The following ARID1B variants were observed in gnomAD, a reference collection of about 807,000 sequenced individuals.
ARID1B encodes the protein AT-rich interactive domain-containing protein 1B.
In ARID1B, 30 loss-of-function variants were observed where a neutral mutation model predicts 212.3. That is an observed-to-expected ratio of 0.14 (90% CI 0.11 to 0.19). ARID1B has a LOEUF of 0.19. Ranked by LOEUF, ARID1B falls within the 10% of genes least tolerant of loss-of-function variation. The pLI is 1.00. For synonymous variants in ARID1B, 1,402 were observed against 1,301.7 expected, an observed-to-expected ratio of 1.08 and a Z score of -1.66; for missense variants, 2,891 against 3,204.0, an observed-to-expected ratio of 0.90 and a Z score of 2.36.
At position 156,778,346 on chromosome 6, in the gene ARID1B, C is replaced by T. The variant is rs1229372337; in HGVS notation, c.666C>T (p.Ser222=). The T allele has an allele frequency of 1.4e-5, 22 of 1,541,362 alleles. No homozygotes were observed. Among genetic ancestry groups the T allele is most frequent in the Non-Finnish European group, 1.8e-5 (21 of 1,146,052 alleles). The change falls in exon 1 of 20, where the codon AGC becomes AGT. Residue 222 remains serine (S), a synonymous_variant. Coordinates refer to ENST00000636930, the MANE Select transcript of ARID1B (RefSeq NM_001374828.1). ...QQQHPISNNN[S]LGGAGGGAPQ... is the part of the protein sequence containing the mutation. The stretch of plus-strand genomic sequence containing the variant: ...AACATCCCATTTCCAACAACAACAG[C>T]TTGGGCGGCGCGGGCGGCGGCGCGC...
Position 157,030,839 on chromosome 6 carries a change from A to G in ARID1B, c.2248-53823A>G, listed in dbSNP as rs569123322. On this transcript the variant is annotated intron_variant, in intron 4 of 19. Coordinates refer to ENST00000636930, the MANE Select transcript of ARID1B (RefSeq NM_001374828.1). ...TTACCAATATTTATTGGGTCCCTGT[A>G]TAGAGACAAGGTTTTAGTTCATTTC... Among the ~76,000 whole-genome samples the G allele has an allele frequency of 1.1e-3, 175 of 152,298 alleles. 3 individuals are homozygous for G. The highest frequency in any genetic ancestry group is 4.1e-3 in the African/African-American group (169 of 41,560).
chr6:157,115,648 C>T (rs1453199351), intron 6 of ARID1B, among the ~76,000 whole-genome samples: 1 of 152,118 alleles, frequency 6.6e-6, no homozygotes, highest in African/African-American at 2.4e-5. Context: ...AGGATGGTCT[C>T]GATCTCCTGA....
At chr6:156,959,602 G>T (rs1794220456) in intron 4 of ARID1B, among the ~76,000 whole-genome samples, 1 of 152,182 alleles carries the variant, frequency 6.6e-6, no homozygotes, top group South Asian at 2.1e-4. Flanking sequence ...CAGGAGGGTT[G>T]TAGTGTTCTA....
chr6:157,004,084 T>C (rs1471737233), intron 4 of ARID1B, among the ~76,000 whole-genome samples: 1 of 152,080 alleles, frequency 6.6e-6, no homozygotes, highest in Non-Finnish European at 1.5e-5. Flanking sequence ...CAAATTTTTT[T>C]TGTAGAGATG....
In ARID1B at chr6:156,932,144, A is replaced by AG. The variant is rs1562492914; in HGVS notation, c.2137-3322_2137-3321insG. Among the ~76,000 whole-genome samples the AG allele has an allele frequency of 3.0e-3, 284 of 95,194 alleles. 2 individuals carry two copies. Among genetic ancestry groups the AG allele is most frequent in the African/African-American group, 0.015 (243 of 16,288 alleles). 62.5% of individuals were successfully genotyped at this position (95,194 alleles called of 152,430 possible). A position where few individuals can be genotyped will look rare whatever the true frequency, so the allele number is the denominator to read the frequency against. On this transcript the variant is annotated intron_variant, in intron 3 of 19. Coordinates refer to ENST00000636930, the MANE Select transcript of ARID1B (RefSeq NM_001374828.1). ...GACCTTGTTTCTTAAAAAAAAAAAA[A>AG]AGGGGGGGGGCGGGGTGAAGAAATA...
chr6:157,183,427 G>A (rs776192530), intron 12 of ARID1B, among the ~76,000 whole-genome samples: 21 of 152,058 alleles, frequency 1.4e-4, no homozygotes, highest in Non-Finnish European at 2.6e-4. Flanking sequence ...GCCACACAAC[G>A]CAGGAGACAT....
chr6:157,034,618 T>G (rs986392372), intron 4 of ARID1B, among the ~76,000 whole-genome samples: 2 of 152,198 alleles, frequency 1.3e-5, no homozygotes, highest in Admixed American at 6.5e-5. Context: ...ACCTGGAAAT[T>G]AAGTGTGAAA....
At chr6:156,859,168 A>G (rs1278651932) in intron 2 of ARID1B, among the ~76,000 whole-genome samples, 2 of 152,244 alleles carry the variant, frequency 1.3e-5, no homozygotes, top group East Asian at 1.9e-4. Flanking sequence ...GCTGGAGTGC[A>G]GTGGCCGCAA....
At chr6:156,776,082 G>A (rs920479119), upstream of ARID1B, among the ~76,000 whole-genome samples, 2 of 152,064 alleles carry the variant, frequency 1.3e-5, no homozygotes, top group African/African-American at 4.8e-5. Flanking sequence ...TTTATGGAAA[G>A]CTGAAGAATG....
intron 3 of ARID1B, among the ~76,000 whole-genome samples, chr6:156,902,395 C>T (rs1789020590): frequency 6.6e-6 from 1 of 152,136 alleles, no homozygotes; most frequent in South Asian, 2.1e-4. Context: ...GTAGCATCGA[C>T]TTTTTCCTCT....
intron 4 of ARID1B, among the ~76,000 whole-genome samples, chr6:157,002,832 T>C (rs916613594): frequency 2.6e-5 from 4 of 152,226 alleles, no homozygotes; most frequent in Non-Finnish European, 5.9e-5. Context: ...TGCAAATTGA[T>C]AGACAGGATT....
chr6:157,117,308 A>C (rs1198831985), intron 6 of ARID1B, among the ~76,000 whole-genome samples: 4 of 152,128 alleles, frequency 2.6e-5, no homozygotes, highest in Non-Finnish European at 5.9e-5. Flanking sequence ...ATATGTCTTC[A>C]TTTTTTATAT....
At chr6:157,106,894 A>G (rs1486599675) in intron 5 of ARID1B, among the ~76,000 whole-genome samples, 1 of 152,236 alleles carries the variant, frequency 6.6e-6, no homozygotes, top group African/African-American at 2.4e-5. Context: ...AAGGGGAAAT[A>G]TAGAATCACC....
chr6:157,063,572 G>A (rs1783488690), intron 4 of ARID1B, among the ~76,000 whole-genome samples: 1 of 152,140 alleles, frequency 6.6e-6, no homozygotes, highest in Admixed American at 6.5e-5. Flanking sequence ...AGAATTGAGT[G>A]TGGAAGAATA....
chr6:157,030,155 A>G (rs1674424190), intron 4 of ARID1B, among the ~76,000 whole-genome samples: 1 of 152,154 alleles, frequency 6.6e-6, no homozygotes, highest in Non-Finnish European at 1.5e-5. Context: ...TCAGTCAGCT[A>G]CTGACCTGCT....
intron 4 of ARID1B, among the ~76,000 whole-genome samples, chr6:156,969,240 T>G (rs1776750969): frequency 6.6e-6 from 1 of 152,222 alleles, no homozygotes; most frequent in African/African-American, 2.4e-5. Flanking sequence ...GATTTGTGTT[T>G]GTGTGTATGT....
intron 4 of ARID1B, among the ~76,000 whole-genome samples, chr6:157,013,516 T>C (rs540806104): frequency 3.3e-5 from 5 of 152,340 alleles, no homozygotes; most frequent in South Asian, 4.1e-4. Flanking sequence ...CTCTACTTCC[T>C]TGGGTTAGTT....
intron 7 of ARID1B, 121 bp downstream of exon 7, chr6:157,133,328 A>G: frequency 8.8e-7 from 1 of 1,137,172 alleles, no homozygotes; most frequent in Non-Finnish European, 1.2e-6. Flanking sequence ...GTTACCTGAC[A>G]GGTTTGTGAG....
intron 7 of ARID1B, among the ~76,000 whole-genome samples, chr6:157,138,963 A>T (rs1399175931): frequency 1.3e-5 from 2 of 152,204 alleles, no homozygotes; most frequent in Non-Finnish European, 2.9e-5. Flanking sequence ...GTGATGCCTG[A>T]ATCTAGCCTT....
Sources: gnomAD v4.1 joint callset for allele counts (sites outside exome capture counted in the v4.1 genomes callset) on GRCh38, gnomAD v4.1.1 for gene constraint, MANE v1.5 for transcripts, NCBI Gene and HGNC (gene_info 2026-07-23, HGNC 2026-07-21) for gene names.